Variants in BTAF1 observed in about 807,000 individuals in gnomAD.
BTAF1 encodes B-TFIID TATA-box binding protein associated factor 1.
BTAF1 carries 38 observed loss-of-function variants against 227.1 expected under a neutral mutation model. The ratio of observed to expected loss-of-function variants is 0.17; its 90% CI spans 0.13 to 0.22. The LOEUF is 0.22. Ranked by LOEUF, BTAF1 falls within the 10% of genes least tolerant of loss-of-function variation. The pLI, the probability that BTAF1 is intolerant of heterozygous loss-of-function variation, is 1.00. For missense variants in BTAF1, 1,598 were observed against 2,204.0 expected, an observed-to-expected ratio of 0.73 and a Z score of 5.51; for synonymous variants, 742 against 751.9, an observed-to-expected ratio of 0.99 and a Z score of 0.21.
At chr10:91,981,956 A>G (rs1020865192) in intron 16 of BTAF1, 127 bp from the exon 17 acceptor site, 2 of 1,356,928 alleles carry the variant, frequency 1.5e-6, no homozygotes, top group African/African-American at 3.0e-5. Context: ...AGTAATGTTT[A>G]TCCATTAAAA....
At chr10:91,958,573 G>C (rs992272836) in intron 8 of BTAF1, among the ~76,000 whole-genome samples, 3 of 152,016 alleles carry the variant, frequency 2.0e-5, no homozygotes, top group Non-Finnish European at 4.4e-5. Flanking sequence ...GTGGTGGCGG[G>C]CGCCTGAAAT....
chr10:91,953,660 T>C, intron 5 of BTAF1, 77 bp from the exon 6 acceptor site: 1 of 1,491,838 alleles, frequency 6.7e-7, no homozygotes, highest in Non-Finnish European at 9.1e-7. Flanking sequence ...ATAGACTTGG[T>C]CTTCTTCTGA....
At position 91,955,195 on chromosome 10, in the gene BTAF1, C is replaced by G. The variant is rs17107245; in HGVS notation, c.701+1322C>G. On this transcript the variant is annotated intron_variant, in intron 6 of 37. Coordinates refer to ENST00000265990, the MANE Select transcript of BTAF1 (RefSeq NM_003972.3). ...TCATATAGTAACCTAATAAGTTTTT[C>G]TACTGGTTTTTATTCATACAAGCAC... Among the ~76,000 whole-genome samples the G allele has an allele frequency of 9.9e-3, 1,506 of 152,178 alleles. 25 individuals carry two copies. The highest frequency in any genetic ancestry group is 0.033 in the African/African-American group (1,358 of 41,520).
chr10:92,016,323 C>CGG lies in BTAF1; in HGVS notation c.4585-13_4585-12dup. On this transcript the variant is annotated splice_polypyrimidine_tract_variant and intron_variant, in intron 32 of 37. Transcript: ENST00000265990. ...ATAAATATACTTAAAGCTTCTCCCACGGGGGCCATTTTACAGGTTCAGCTC... is the reference window on the plus strand; with the variant it reads ...ATAAATATACTTAAAGCTTCTCCCACGGGGGGGCCATTTTACAGGTTCAGCTC... 1.3e-6 allele frequency: 2 copies of CGG among 1,583,932 alleles called. No homozygotes were observed. The highest frequency in any genetic ancestry group is 1.7e-6 in the Non-Finnish European group (2 of 1,170,110).
intron 19 of BTAF1, 76 bp from the exon 20 acceptor site, chr10:91,989,078 G>A: frequency 7.7e-7 from 1 of 1,298,860 alleles, no homozygotes; most frequent in African/African-American, 1.5e-5. Context: ...AAAGCTTGCT[G>A]TCTACCCTTT....
chr10:91,973,840 C>T (rs1847491633), intron 14 of BTAF1, among the ~76,000 whole-genome samples: 1 of 138,052 alleles, frequency 7.2e-6, no homozygotes, highest in African/African-American at 2.7e-5. Context: ...GGAGGCGGAG[C>T]TTGCAGTGAG....
At chr10:91,942,202 T>C (rs1048989740) in intron 3 of BTAF1, among the ~76,000 whole-genome samples, 1 of 152,044 alleles carries the variant, frequency 6.6e-6, no homozygotes. Flanking sequence ...AAGAAGTCCT[T>C]GATCCCAGGA....
chr10:91,933,540 A>G (rs1375169237), intron 1 of BTAF1, among the ~76,000 whole-genome samples: 1 of 152,238 alleles, frequency 6.6e-6, no homozygotes, highest in Non-Finnish European at 1.5e-5. Context: ...AGAACAGGGT[A>G]ATATAATGTG....
intron 19 of BTAF1, among the ~76,000 whole-genome samples, 171 bp from the exon 20 acceptor site, chr10:91,988,978 TTAAAA>T (rs954852782): frequency 6.6e-6 from 1 of 152,230 alleles, no homozygotes; most frequent in African/African-American, 2.4e-5. Context: ...TTTAGTCAGA[TTAAAA>T]TAAAATTTAG....
intron 1 of BTAF1, among the ~76,000 whole-genome samples, chr10:91,927,881 C>T (rs1843962681): frequency 6.6e-6 from 1 of 151,992 alleles, no homozygotes; most frequent in Non-Finnish European, 1.5e-5. Flanking sequence ...TTGTTCTCTA[C>T]TCCTACATTT....
In BTAF1 at chr10:92,029,663, C is replaced by T. The variant is rs533700170; in HGVS notation, c.*730C>T. 6 of 151,860 alleles carry T rather than the reference C, an allele frequency of 4.0e-5. No homozygotes were observed. In the South Asian group the frequency reaches 1.2e-3, roughly 32 times the overall value. The allele number at this position is 151,860 out of a possible 1,614,324, so 9.4% of individuals were successfully genotyped here. ...TAGCCAGATTCAAATAACATATGTA[C>T]TCAATAGGTTTCAATCATATATATA... On this transcript the variant is annotated 3_prime_UTR_variant, in exon 38 of 38. Transcript: ENST00000265990.
At chr10:91,988,255 A>G (rs1848537793) in intron 19 of BTAF1, among the ~76,000 whole-genome samples, 2 of 152,142 alleles carry the variant, frequency 1.3e-5, no homozygotes, top group South Asian at 2.1e-4. Flanking sequence ...TATCTTATTT[A>G]TCTTTTAATA....
chr10:91,927,994 T>C (rs1034412311), intron 1 of BTAF1, among the ~76,000 whole-genome samples: 67 of 151,084 alleles, frequency 4.4e-4, no homozygotes, highest in Non-Finnish European at 8.1e-4. Flanking sequence ...TTTTTTTTTT[T>C]TTTTTGCAGT....
intron 25 of BTAF1, among the ~76,000 whole-genome samples, chr10:91,998,533 G>A (rs751700200): frequency 3.3e-5 from 5 of 152,022 alleles, no homozygotes; most frequent in Non-Finnish European, 7.3e-5. Flanking sequence ...CATTCATGGG[G>A]GCACAAATAA....
chr10:91,974,896 T>C (rs1164129929), intron 14 of BTAF1, among the ~76,000 whole-genome samples: 1 of 152,214 alleles, frequency 6.6e-6, no homozygotes, highest in Non-Finnish European at 1.5e-5. Flanking sequence ...TGATTTACAA[T>C]CAAGGTATAA....
rs770096149 is a variant in BTAF1, at chr10:92,008,198, C to A, written c.3736C>A (p.Gln1246Lys). The A allele has an allele frequency of 1.9e-6, 3 of 1,602,532 alleles. No individual in the cohort carries two copies. The highest frequency in any genetic ancestry group is 2.5e-6 in the Non-Finnish European group (3 of 1,177,524). ...LKAKERHFLE[Q>K]LLDGKKLENY... ...AGCCAAGGAGCGACACTTTTTGGAG[C>A]AATTGTTAGATGGGAAAAAATTGGA... Residue 1246 changes from glutamine to lysine, a missense_variant, in exon 26 of 38, where the codon CAA (glutamine) becomes AAA (lysine). Gln to Lys is a moderately conservative substitution (Grantham distance 53, BLOSUM62 1). This residue lies in a region of BTAF1 where 184 missense variants were observed against 341.1 expected (regional missense o/e 0.54). Transcript: ENST00000265990.
intron 12 of BTAF1, among the ~76,000 whole-genome samples, chr10:91,963,346 G>A (rs1489225426): frequency 6.6e-6 from 1 of 151,502 alleles, no homozygotes; most frequent in Non-Finnish European, 1.5e-5. Flanking sequence ...GTGAACCCGG[G>A]AGGCAGAGCT....
intron 1 of BTAF1, among the ~76,000 whole-genome samples, chr10:91,928,126 T>A (rs900268150): frequency 1.3e-5 from 2 of 151,938 alleles, no homozygotes; most frequent in African/African-American, 4.8e-5. Context: ...ATTTTTGAAG[T>A]TTATAATATA....
intron 37 of BTAF1, among the ~76,000 whole-genome samples, chr10:92,028,161 A>G (rs1323107033): frequency 2.0e-5 from 3 of 152,202 alleles, no homozygotes; most frequent in African/African-American, 7.2e-5. Context: ...AGAAGGCTCA[A>G]AGAAACATGC....
Sources: allele counts gnomAD v4.1 joint callset (sites outside exome capture counted in the v4.1 genomes callset), GRCh38; gene constraint gnomAD v4.1.1; regional missense constraint gnomAD v4.1.1; transcripts MANE v1.5; gene names NCBI Gene and HGNC (gene_info 2026-07-23, HGNC 2026-07-21).